Variants in DIAPH3 observed in about 807,000 individuals in gnomAD.
DIAPH3 encodes protein diaphanous homolog 3.
A neutral mutation model predicts 144.3 loss-of-function variants in DIAPH3; 117 were observed. The ratio of observed to expected loss-of-function variants is 0.81; its 90% confidence interval spans 0.70 to 0.95. The LOEUF is 0.95. DIAPH3 is among the 40% of genes least tolerant of loss of function. DIAPH3 has a pLI of 0.00. For synonymous variants in DIAPH3, 519 were observed against 488.9 expected, an observed-to-expected ratio of 1.06 and a Z score of -0.81; for missense variants, 1,421 against 1,412.7, an observed-to-expected ratio of 1.01 and a Z score of -0.09.
intron 17 of DIAPH3, among the ~76,000 whole-genome samples, chr13:59,957,574 T>C (rs6562065): frequency 0.76 from 115,906 of 152,102 alleles, 44,356 homozygotes; most frequent in African/African-American, 0.82. Flanking sequence ...CAGACAATTA[T>C]AGTTACCATG....
At chr13:59,741,489 G>T (rs1457039425) in intron 27 of DIAPH3, among the ~76,000 whole-genome samples, 1 of 152,106 alleles carries the variant, frequency 6.6e-6, no homozygotes, top group Non-Finnish European at 1.5e-5. Context: ...AGGCGCAGTG[G>T]CTCATGCCTG....
chr13:59,820,466 A>G (rs143766391), intron 24 of DIAPH3, among the ~76,000 whole-genome samples: 2 of 152,102 alleles, frequency 1.3e-5, no homozygotes, highest in African/African-American at 2.4e-5. Flanking sequence ...CATTCTGGAA[A>G]AAAAGAGTTA....
At chr13:59,942,641 T>C (rs938913806) in intron 17 of DIAPH3, among the ~76,000 whole-genome samples, 1 of 152,192 alleles carries the variant, frequency 6.6e-6, no homozygotes, top group African/African-American at 2.4e-5. Context: ...ATGATAGTTA[T>C]TGTTAACAAA....
intron 1 of DIAPH3, among the ~76,000 whole-genome samples, chr13:60,139,448 T>C (rs1283536960): frequency 6.6e-6 from 1 of 152,166 alleles, no homozygotes; most frequent in Non-Finnish European, 1.5e-5. Flanking sequence ...TTACTCACTA[T>C]CCAAAGCTTC....
intron 5 of DIAPH3, among the ~76,000 whole-genome samples, chr13:60,028,552 C>T (rs2054549532): frequency 6.6e-6 from 1 of 152,108 alleles, no homozygotes; most frequent in Admixed American, 6.5e-5. Flanking sequence ...TGGACACTTT[C>T]TGAACCCGGA....
chr13:60,041,835 T>C (rs999707547), intron 5 of DIAPH3, among the ~76,000 whole-genome samples: 8 of 152,148 alleles, frequency 5.3e-5, no homozygotes, highest in African/African-American at 1.9e-4. Flanking sequence ...TAACAACTTC[T>C]GCTTGAATTT....
chr13:60,003,876 G>A (rs2052688656), intron 9 of DIAPH3, among the ~76,000 whole-genome samples: 1 of 152,044 alleles, frequency 6.6e-6, no homozygotes, highest in Admixed American at 6.6e-5. Context: ...CACCACGCAC[G>A]GCCCCTGATA....
Position 60,099,694 on chromosome 13 carries a change from C to CA in DIAPH3, c.391-5963dup, listed in dbSNP as rs369812927. On this transcript the variant is annotated intron_variant, in intron 3 of 27. Transcript: ENST00000400324. ...GCCAGGGGAAACCGAGTTGCAACAG[C>CA]AAAAAAAATAGTTTCCCTTTGGCCA... 3.8e-3 allele frequency among the ~76,000 whole-genome samples: 575 copies of CA among 151,400 alleles called. 2 individuals carry two copies. Among genetic ancestry groups the CA allele is most frequent in the African/African-American group, 0.012 (504 of 41,334 alleles).
intron 27 of DIAPH3, among the ~76,000 whole-genome samples, chr13:59,688,590 T>C (rs1002783178): frequency 3.9e-5 from 6 of 151,976 alleles, no homozygotes; most frequent in Non-Finnish European, 5.9e-5. Context: ...GAGGAGCTTA[T>C]GTTGACTCAT....
At chr13:59,711,707 T>G (rs1196347189) in intron 27 of DIAPH3, among the ~76,000 whole-genome samples, 1 of 152,200 alleles carries the variant, frequency 6.6e-6, no homozygotes, top group Non-Finnish European at 1.5e-5. Context: ...ACTTAATAAT[T>G]TTTGGCCTAT....
intron 20 of DIAPH3, among the ~76,000 whole-genome samples, chr13:59,908,489 C>T (rs1254341596): frequency 6.6e-6 from 1 of 151,450 alleles, no homozygotes; most frequent in Non-Finnish European, 1.5e-5. Context: ...TACTTTTACA[C>T]CCTGCCTTTC....
At chr13:59,714,226 G>A (rs560162498) in intron 27 of DIAPH3, among the ~76,000 whole-genome samples, 1 of 151,006 alleles carries the variant, frequency 6.6e-6, no homozygotes. Context: ...CGGGCGTAGT[G>A]GCGGGCGCCT....
chr13:60,143,267 T>C (rs574580126), intron 1 of DIAPH3, among the ~76,000 whole-genome samples: 86 of 152,256 alleles, frequency 5.6e-4, no homozygotes, highest in African/African-American at 1.9e-3. Flanking sequence ...CATCCTGCCT[T>C]GCACTGTGGC....
chr13:59,734,003 A>T (rs1459569423), intron 27 of DIAPH3, among the ~76,000 whole-genome samples: 1 of 152,256 alleles, frequency 6.6e-6, no homozygotes, highest in African/African-American at 2.4e-5. Flanking sequence ...TGGCTAATAC[A>T]TACATGCCTT....
At chr13:59,952,620 C>T (rs996891688) in intron 17 of DIAPH3, among the ~76,000 whole-genome samples, 7 of 152,094 alleles carry the variant, frequency 4.6e-5, no homozygotes, top group African/African-American at 1.7e-4. Context: ...TGAACCTATT[C>T]CACTCCCAAC....
intron 27 of DIAPH3, among the ~76,000 whole-genome samples, chr13:59,734,696 C>T (rs762700650): frequency 2.0e-5 from 3 of 152,230 alleles, no homozygotes; most frequent in African/African-American, 7.2e-5. Context: ...CCAGTCCCTG[C>T]CTTCTCTTAC....
At chr13:59,764,944 A>T (rs538745253) in intron 27 of DIAPH3, among the ~76,000 whole-genome samples, 141 of 152,092 alleles carry the variant, frequency 9.3e-4, no homozygotes, top group Non-Finnish European at 2.9e-4. Flanking sequence ...CCAGCTTTCC[A>T]CTCACATCAT....
chr13:60,044,870 A>C (rs1200938632), intron 4 of DIAPH3, among the ~76,000 whole-genome samples: 1 of 152,168 alleles, frequency 6.6e-6, no homozygotes, highest in Non-Finnish European at 1.5e-5. Context: ...CATGATAGTC[A>C]GTGAGTTCTC....
At chr13:59,836,676 G>A (rs939304472) in intron 23 of DIAPH3, among the ~76,000 whole-genome samples, 1 of 151,668 alleles carries the variant, frequency 6.6e-6, no homozygotes, top group East Asian at 1.9e-4. Context: ...TCAATTAATT[G>A]ATTTAACAGT....
Sources: gnomAD v4.1 joint callset for allele counts (sites outside exome capture counted in the v4.1 genomes callset) on GRCh38, gnomAD v4.1.1 for gene constraint, MANE v1.5 for transcripts, NCBI Gene and HGNC (gene_info 2026-07-23, HGNC 2026-07-21) for gene names.